LBP: variants seen among roughly 807,000 people sequenced by gnomAD.
The protein encoded by LBP is lipopolysaccharide binding protein.
A neutral mutation model predicts 56.6 loss-of-function variants in LBP; 53 were observed. The ratio of observed to expected loss-of-function variants is 0.94; its 90% CI spans 0.75 to 1.18. The LOEUF (loss-of-function observed/expected upper bound fraction) is 1.18. Ranked by LOEUF, LBP falls within the 50% of genes most tolerant of loss-of-function variation. The pLI, the probability that LBP is intolerant of heterozygous loss-of-function variation, is 0.00. For synonymous variants in LBP, 227 were observed against 247.5 expected (o/e 0.92, Z 0.78); for missense variants, 601 against 598.3 (o/e 1.00, Z -0.05).
intron 13 of LBP, 75 bp from the exon 14 acceptor site, chr20:38,373,862 A>G (rs1289097727): frequency 6.9e-6 from 9 of 1,295,484 alleles, no homozygotes; most frequent in Non-Finnish European, 1.0e-5. Flanking sequence ...TTTGCAGAGA[A>G]CATTTTCGGT....
chr20:38,350,616 A>G (rs1297360119), intron 2 of LBP, among the ~76,000 whole-genome samples, 195 bp from the exon 3 acceptor site: 1 of 152,206 alleles, frequency 6.6e-6, no homozygotes, highest in Non-Finnish European at 1.5e-5. Context: ...TGACCCCTTC[A>G]GTGTGGCCCA....
intron 14 of LBP, among the ~76,000 whole-genome samples, chr20:38,376,061 G>T (rs193121064): frequency 2.4e-4 from 37 of 152,308 alleles, no homozygotes; most frequent in African/African-American, 8.4e-4. Context: ...GGACATAACC[G>T]AAATGTCAGT....
chr20:38,370,161 G>T (rs2076896223), intron 10 of LBP, among the ~76,000 whole-genome samples: 1 of 151,992 alleles, frequency 6.6e-6, no homozygotes, highest in Non-Finnish European at 1.5e-5. Flanking sequence ...ATCACACAAG[G>T]CCAGGAGTTT....
intron 9 of LBP, 48 bp downstream of exon 9, chr20:38,366,876 C>A: frequency 6.5e-7 from 1 of 1,530,906 alleles, no homozygotes; most frequent in South Asian, 1.1e-5. Flanking sequence ...GCCTACTAGA[C>A]TCCAGAGGTT....
intron 10 of LBP, among the ~76,000 whole-genome samples, chr20:38,370,051 G>A (rs771078437): frequency 1.3e-5 from 2 of 152,036 alleles, no homozygotes; most frequent in Non-Finnish European, 2.9e-5. Context: ...GTTATCAAAA[G>A]TGTCATTATT....
At chr20:38,375,082 A>C (rs6014890) in intron 14 of LBP, among the ~76,000 whole-genome samples, 18,781 of 151,092 alleles carry the variant, frequency 0.12, 1,365 homozygotes, top group African/African-American at 0.2. Context: ...CAGGCATGAG[A>C]CACCATATAC....
At chr20:38,362,137 C>A (rs2076862663) in intron 6 of LBP, among the ~76,000 whole-genome samples, 1 of 148,714 alleles carries the variant, frequency 6.7e-6, no homozygotes, top group Non-Finnish European at 1.5e-5. Flanking sequence ...CGGCTCACTG[C>A]AAGCTTCGCC....
chr20:38,352,975 T>TTC (rs1296432799), intron 3 of LBP, among the ~76,000 whole-genome samples: 1 of 152,170 alleles, frequency 6.6e-6, no homozygotes, highest in Non-Finnish European at 1.5e-5. Flanking sequence ...GTGGCTCTCA[T>TTC]TCTATTGCTT....
intron 5 of LBP, among the ~76,000 whole-genome samples, chr20:38,356,122 C>CACAACACCCACACACT: frequency 8.5e-6 from 1 of 117,646 alleles, no homozygotes; most frequent in Non-Finnish European, 1.8e-5. Context: ...ACACACACCA[C>CACAACACCCACACACT]ACACACATCC....
intron 5 of LBP, among the ~76,000 whole-genome samples, chr20:38,356,889 T>A (rs549425322): frequency 3.2e-4 from 49 of 152,014 alleles, no homozygotes; most frequent in Non-Finnish European, 6.2e-4. Context: ...AGAGTCTCAC[T>A]CTGTCGCCCA....
chr20:38,364,834 A>G, intron 8 of LBP, 82 bp downstream of exon 8: 1 of 1,251,066 alleles, frequency 8.0e-7, no homozygotes, highest in Non-Finnish European at 1.1e-6. Context: ...CCCTGTTGAC[A>G]TCAGTCAAAT....
At chr20:38,357,579 C>A (rs962935409) in intron 5 of LBP, among the ~76,000 whole-genome samples, 1 of 152,178 alleles carries the variant, frequency 6.6e-6, no homozygotes, top group African/African-American at 2.4e-5. Context: ...TGATCCAGAA[C>A]CTCAAGAGAG....
At chr20:38,370,670 C>A (rs974166942) in intron 10 of LBP, 68 bp from the exon 11 acceptor site, 22 of 1,400,464 alleles carry the variant, frequency 1.6e-5, no homozygotes, top group Non-Finnish European at 2.2e-5. Flanking sequence ...GTTGGTCCCT[C>A]GTCATCATCC....
intron 2 of LBP, among the ~76,000 whole-genome samples, chr20:38,350,197 A>G (rs2076815648): frequency 6.6e-6 from 1 of 152,206 alleles, no homozygotes; most frequent in Admixed American, 6.5e-5. Flanking sequence ...GACTCGTAGC[A>G]CATTGTACCC....
In LBP at chr20:38,371,293, C is replaced by G. The variant is rs1378756729; in HGVS notation, c.1231C>G (p.Leu411Val). The G allele has an allele frequency of 3.7e-6, 6 of 1,610,588 alleles. No individual in the cohort carries two copies. The East Asian group carries it at 1.1e-4, about 30-fold the overall frequency. ...GATTCATTACAGGGTAAAAGTGGAACTGAAAGAATCCAAAGTTGGACTATT... is the reference window on the plus strand; with the variant it reads ...GATTCATTACAGGGTAAAAGTGGAAGTGAAAGAATCCAAAGTTGGACTATT... ...FLKPGKVKVE[L>V]KESKVGLFNA... Residue 411 changes from leucine to valine, a missense_variant, in exon 12 of 15, where the codon CTG (leucine) becomes GTG (valine). Transcript: ENST00000217407.
intron 3 of LBP, among the ~76,000 whole-genome samples, chr20:38,352,590 A>T (rs921315999): frequency 6.6e-6 from 1 of 152,196 alleles, no homozygotes; most frequent in Non-Finnish European, 1.5e-5. Flanking sequence ...CCCCATCTCT[A>T]CTAAAAATAC....
At chr20:38,369,823 C>T (rs899242104) in intron 10 of LBP, among the ~76,000 whole-genome samples, 2 of 152,154 alleles carry the variant, frequency 1.3e-5, no homozygotes, top group African/African-American at 4.8e-5. Context: ...AACCAATTCC[C>T]CGTATTAAAT....
rs564639322 is a variant in LBP at position 38,369,290 on chromosome 20, CGA to C, written c.1149+134_1149+135del. On this transcript the variant is annotated intron_variant, in intron 10 of 14. Transcript: ENST00000217407. ...AGGTCTCAACTTAAATATTACTTCC[CGA>C]GAGAGGGCTTTCTTGCTGGCCCTTA... 3.1e-4 allele frequency: 286 copies of C among 925,462 alleles called. 1 individual carries two copies. In the South Asian group the frequency reaches 4.8e-3, roughly 16 times the overall value. The allele number at this position is 925,462 out of a possible 1,614,324, so 57.3% of individuals were successfully genotyped here. A position where few individuals can be genotyped will look rare whatever the true frequency, so the allele number is the denominator to read the frequency against.
chr20:38,352,442 T>TA (rs1369127152), intron 3 of LBP, among the ~76,000 whole-genome samples: 3 of 152,106 alleles, frequency 2.0e-5, no homozygotes, highest in Non-Finnish European at 4.4e-5. Flanking sequence ...GATTTAGGAT[T>TA]AAAAAACAAA....
Sources: allele counts gnomAD v4.1 joint callset (sites outside exome capture counted in the v4.1 genomes callset), GRCh38; gene constraint gnomAD v4.1.1; transcripts MANE v1.5; gene names NCBI Gene and HGNC (gene_info 2026-07-23, HGNC 2026-07-21).